Variants in LRP2BP observed in about 807,000 individuals in gnomAD.
The protein encoded by LRP2BP is LRP2-binding protein.
A neutral mutation model predicts 45.2 loss-of-function variants in LRP2BP; 38 were observed. That is an observed-to-expected ratio of 0.84 (90% confidence interval 0.65 to 1.10). The LOEUF (loss-of-function observed/expected upper bound fraction) is 1.10. Ranked by LOEUF, LRP2BP falls within the 50% of genes least tolerant of loss-of-function variation. LRP2BP has a pLI of 0.00. For missense variants in LRP2BP, 385 were observed against 418.9 expected (o/e 0.92, Z 0.71); for synonymous variants, 153 against 153.9 (o/e 0.99, Z 0.04).
At chr4:185,373,887 CTCT>C (rs1348640294) in intron 6 of LRP2BP, among the ~76,000 whole-genome samples, 2 of 152,152 alleles carry the variant, frequency 1.3e-5, no homozygotes, top group Non-Finnish European at 2.9e-5. Flanking sequence ...AGGACTGTTT[CTCT>C]TCTTTTAGCT....
Position 185,394,973 on chromosome 4 carries a change from A to G in LRP2BP, c.-216T>C. On this transcript the variant is annotated 5_prime_UTR_variant, in exon 1 of 9. Coordinates refer to ENST00000505916, the MANE Select transcript of LRP2BP (RefSeq NM_001377440.1). ...CCTGGTGAAACTCCAGTTACTTGCCAGTAAGATATTGTCCCCCAAATGTAC... is the reference window on the plus strand; with the variant it reads ...CCTGGTGAAACTCCAGTTACTTGCCGGTAAGATATTGTCCCCCAAATGTAC... 1.0e-6 allele frequency: 1 copy of G among 985,504 alleles called. No individual in the cohort carries two copies. The highest frequency in any genetic ancestry group is 1.2e-6 in the Non-Finnish European group (1 of 829,944). The allele number at this position is 985,504 out of a possible 1,614,324, so 61.0% of individuals were successfully genotyped here. A position where few individuals can be genotyped will look rare whatever the true frequency, so the allele number is the denominator to read the frequency against.
chr4:185,383,915 G>A (rs905874528), intron 1 of LRP2BP, among the ~76,000 whole-genome samples: 4 of 152,208 alleles, frequency 2.6e-5, no homozygotes, highest in Non-Finnish European at 5.9e-5. Flanking sequence ...AAGCCTGGGC[G>A]TGGATTTCTT....
Position 185,395,669 on chromosome 4 carries a change from T to C in LRP2BP, c.-912A>G, listed in dbSNP as rs1031965878. On this transcript the variant is annotated 5_prime_UTR_variant, in exon 1 of 9. It adds an upstream start codon to the 5' untranslated region. Transcript: ENST00000505916. ...TAAAACTACCCCTTGGGTAACTAAGTATAACAACATAAACTTGCGATTGCA... is the reference window on the plus strand; with the variant it reads ...TAAAACTACCCCTTGGGTAACTAAGCATAACAACATAAACTTGCGATTGCA... The C allele has an allele frequency of 4.1e-6, 4 of 984,700 alleles. No homozygotes were observed. The African/African-American group carries it at 5.2e-5, about 13-fold the overall frequency. The allele number at this position is 984,700 out of a possible 1,614,324, so 61.0% of individuals were successfully genotyped here. A position where few individuals can be genotyped will look rare whatever the true frequency, so the allele number is the denominator to read the frequency against.
chr4:185,370,558 T>C (rs780017843), intron 8 of LRP2BP, 82 bp downstream of exon 8: 180 of 1,421,926 alleles, frequency 1.3e-4, no homozygotes, highest in Non-Finnish European at 1.7e-4. Context: ...GAAAAAACAC[T>C]AATCCGTAAA....
rs902991565 is a variant in LRP2BP at position 185,385,629 on chromosome 4, G to A, written c.-21-7422C>T. ...ATAGTAACATCATCCCAGGCCAGGC[G>A]CGGTGGCTCATGCCTGTAATCCCAG... is the stretch of plus-strand genomic sequence containing the variant. On this transcript the variant is annotated intron_variant, in intron 1 of 8. Transcript: ENST00000505916. Among the ~76,000 whole-genome samples the A allele has an allele frequency of 3.9e-5, 6 of 152,102 alleles. No homozygotes were observed. The East Asian group carries it at 5.8e-4, about 15-fold the overall frequency.
upstream of LRP2BP, chr4:185,396,998 G>A (rs756302916): frequency 6.2e-7 from 1 of 1,612,416 alleles, no homozygotes; most frequent in South Asian, 1.1e-5. Context: ...GCAGGCTCAA[G>A]CTTCTAGATT....
intron 1 of LRP2BP, among the ~76,000 whole-genome samples, chr4:185,390,026 C>CT (rs2126845465): frequency 6.6e-6 from 1 of 152,192 alleles, no homozygotes; most frequent in African/African-American, 2.4e-5. Context: ...GATTAGGTTT[C>CT]TTTAAAATGG....
chr4:185,374,696 AT>A (rs756406517), intron 4 of LRP2BP, among the ~76,000 whole-genome samples: 6 of 152,056 alleles, frequency 3.9e-5, no homozygotes, highest in Non-Finnish European at 7.4e-5. Flanking sequence ...GATATAAGAA[AT>A]TTCCTTCCTT....
chr4:185,382,436 T>C (rs553019855), intron 1 of LRP2BP, among the ~76,000 whole-genome samples: 1 of 152,284 alleles, frequency 6.6e-6, no homozygotes, highest in African/African-American at 2.4e-5. Context: ...TTTTGGGAAA[T>C]TGCCAATCTG....
At chr4:185,391,519 C>G (rs2095488329) in intron 1 of LRP2BP, among the ~76,000 whole-genome samples, 1 of 152,182 alleles carries the variant, frequency 6.6e-6, no homozygotes, top group Admixed American at 6.5e-5. Context: ...TTTATTTATT[C>G]ATTCAGTTGT....
At chr4:185,372,073 A>G (rs1015451161) in intron 7 of LRP2BP, among the ~76,000 whole-genome samples, 1 of 152,186 alleles carries the variant, frequency 6.6e-6, no homozygotes, top group Non-Finnish European at 1.5e-5. Flanking sequence ...TTTATATTTT[A>G]TTAGATATAG....
Position 185,366,019 on chromosome 4 carries a change from C to A in LRP2BP, c.*1161G>T, listed in dbSNP as rs1169114943. The A allele has an allele frequency of 6.6e-6, 1 of 152,142 alleles. No homozygotes were observed. Among genetic ancestry groups the A allele is most frequent in the Non-Finnish European group, 1.5e-5 (1 of 68,028 alleles). 9.4% of individuals were successfully genotyped at this position (152,142 alleles called of 1,614,324 possible). A position where few individuals can be genotyped will look rare whatever the true frequency, so the allele number is the denominator to read the frequency against. On this transcript the variant is annotated 3_prime_UTR_variant, in exon 9 of 9. Coordinates refer to ENST00000505916, the MANE Select transcript of LRP2BP (RefSeq NM_001377440.1). ...CATTTTCCCATTACTAAAAAGAAATCTTGTTTAAATCCACTGTTGGGATGG... is the reference window on the plus strand; with the variant it reads ...CATTTTCCCATTACTAAAAAGAAATATTGTTTAAATCCACTGTTGGGATGG...
intron 1 of LRP2BP, among the ~76,000 whole-genome samples, chr4:185,381,834 C>T (rs575957132): frequency 2.0e-5 from 3 of 152,260 alleles, no homozygotes; most frequent in African/African-American, 7.2e-5. Context: ...CCTGAATTAA[C>T]ATTTATGTTA....
At chr4:185,397,057 A>G (rs2095505418), upstream of LRP2BP, 1 of 1,610,248 alleles carries the variant, frequency 6.2e-7, no homozygotes, top group East Asian at 2.2e-5. Context: ...GCCTGGTCAG[A>G]GCTGGTTGTG....
At position 185,364,875 on chromosome 4, in the gene LRP2BP, C is replaced by T. The variant is rs935459897; in HGVS notation, c.*2305G>A. The T allele has an allele frequency of 3.3e-5, 5 of 152,330 alleles. No individual in the cohort carries two copies. The highest frequency in any genetic ancestry group is 1.9e-4 in the East Asian group (1 of 5,192). 9.4% of individuals were successfully genotyped at this position (152,330 alleles called of 1,614,324 possible). Reference sequence around the variant, plus strand: ...TATTTTAGGCATAATTCTATGCTATCATTTAAACTGTAGCTGTTAAGTTTA... The same window carrying T: ...TATTTTAGGCATAATTCTATGCTATTATTTAAACTGTAGCTGTTAAGTTTA... On this transcript the variant is annotated 3_prime_UTR_variant, in exon 9 of 9. Coordinates refer to ENST00000505916, the MANE Select transcript of LRP2BP (RefSeq NM_001377440.1).
Position 185,372,912 on chromosome 4 carries a change from G to T in LRP2BP, c.747C>A (p.Leu249=), listed in dbSNP as rs1160715761. The T allele has an allele frequency of 6.2e-7, 1 of 1,613,142 alleles. No homozygotes were observed. Among genetic ancestry groups the T allele is most frequent in the Non-Finnish European group, 8.5e-7 (1 of 1,179,230 alleles). Reference sequence around the variant, plus strand: ...ATTTCATCTTATAGTAATACTCCACGAGATTCCCTTGAGCATAGACGTTTC... The same window carrying T: ...ATTTCATCTTATAGTAATACTCCACTAGATTCCCTTGAGCATAGACGTTTC... ...ERGNVYAQGN[L]VEYYYKMKFF... Residue 249 remains leucine (L), a synonymous_variant, in exon 7 of 9, where the codon CTC becomes CTA. Coordinates refer to ENST00000505916, the MANE Select transcript of LRP2BP (RefSeq NM_001377440.1).
In LRP2BP at chr4:185,374,271, G is replaced by A. The variant is rs74966485; in HGVS notation, c.474-31C>T. On this transcript the variant is annotated intron_variant, in intron 5 of 8. Coordinates refer to ENST00000505916, the MANE Select transcript of LRP2BP (RefSeq NM_001377440.1). ...AGAGAAAGTGAGGCATGTTATTCTC[G>A]GTTTCAGCATTTCCTTCAAACCTAA... 623 of 1,613,944 alleles carry A rather than the reference G, an allele frequency of 3.9e-4. 1 individual carries two copies. In the African/African-American group the frequency reaches 7.7e-3, roughly 20 times the overall value.
intron 1 of LRP2BP, among the ~76,000 whole-genome samples, chr4:185,390,225 T>C (rs1724601232): frequency 2.0e-5 from 3 of 152,164 alleles, no homozygotes; most frequent in Admixed American, 6.5e-5. Context: ...TAATATTTAA[T>C]TGAGGCCGGG....
chr4:185,389,251 C>T (rs1268346640), intron 1 of LRP2BP, among the ~76,000 whole-genome samples: 1 of 151,682 alleles, frequency 6.6e-6, no homozygotes, highest in Non-Finnish European at 1.5e-5. Flanking sequence ...CACTGTTGCC[C>T]AGGCTGGAGT....
Sources: allele counts gnomAD v4.1 joint callset (sites outside exome capture counted in the v4.1 genomes callset), GRCh38; gene constraint gnomAD v4.1.1; transcripts MANE v1.5; gene names NCBI Gene and HGNC (gene_info 2026-07-23, HGNC 2026-07-21).